Variants in PKP2 observed in about 807,000 individuals in gnomAD.
The protein encoded by PKP2 is plakophilin 2.
A neutral mutation model predicts 83.4 loss-of-function variants in PKP2; 73 were observed. The observed-to-expected ratio is 0.88, with a 90% CI of 0.72 to 1.06. The LOEUF (loss-of-function observed/expected upper bound fraction) is 1.06, where lower values mean the gene tolerates loss of function less well. Ranked by LOEUF, PKP2 falls within the 50% of genes least tolerant of loss-of-function variation. PKP2 has a pLI of 0.00. For synonymous variants in PKP2, 409 were observed against 430.4 expected (o/e 0.95, Z 0.62); for missense variants, 966 against 1,065.4 (o/e 0.91, Z 1.30).
chr12:32,868,464 A>G (rs1381022416), intron 4 of PKP2, among the ~76,000 whole-genome samples: 4 of 151,948 alleles, frequency 2.6e-5, no homozygotes, highest in Non-Finnish European at 5.9e-5. Context: ...TGATCTGCCC[A>G]CCTTGGCCTC....
chr12:32,887,239 G>A (rs184613040), intron 1 of PKP2, among the ~76,000 whole-genome samples: 1 of 152,152 alleles, frequency 6.6e-6, no homozygotes, highest in African/African-American at 2.4e-5. Flanking sequence ...CAGCTCTCCT[G>A]CAAGAGTGGG....
chr12:32,834,704 G>A (rs997436061), intron 6 of PKP2, among the ~76,000 whole-genome samples: 2 of 150,750 alleles, frequency 1.3e-5, no homozygotes, highest in African/African-American at 2.5e-5. Flanking sequence ...AAAGAAGACT[G>A]GGGGGGAGGA....
chr12:32,801,042 C>T (rs1197960948), intron 10 of PKP2, among the ~76,000 whole-genome samples: 1 of 152,142 alleles, frequency 6.6e-6, no homozygotes, highest in Non-Finnish European at 1.5e-5. Flanking sequence ...TAAGAGAAGT[C>T]CTTTTACTTA....
chr12:32,822,778 T>C (rs1956394833), intron 7 of PKP2, 147 bp from the exon 8 acceptor site: 1 of 778,808 alleles, frequency 1.3e-6, no homozygotes, highest in Non-Finnish European at 2.2e-6. Context: ...GGAAATGCAA[T>C]GAGTATGGCT....
chr12:32,830,867 C>T (rs975507520), intron 6 of PKP2, among the ~76,000 whole-genome samples: 6 of 150,740 alleles, frequency 4.0e-5, no homozygotes, highest in African/African-American at 1.5e-4. Flanking sequence ...GATAGTGCCA[C>T]TGCACTCCAG....
chr12:32,813,314 G>C (rs1446267130), intron 9 of PKP2, among the ~76,000 whole-genome samples: 1 of 152,166 alleles, frequency 6.6e-6, no homozygotes, highest in Non-Finnish European at 1.5e-5. Flanking sequence ...GGGAGAAAAT[G>C]TATAAACATT....
At position 32,792,662 on chromosome 12, in the gene PKP2, C is replaced by T. The variant is rs1565571025; in HGVS notation, c.2427G>A (p.Leu809=). ...LLYSLWAHTE[L]HHAYKKAQFK... is the part of the protein sequence containing the mutation. ...TTCTTACCTTCTTGTAGGCATGATG[C>T]AGTTCCGTGTGTGCCCACAGAGAAT... Residue 809 remains leucine (L), a synonymous_variant, in exon 12 of 13, where the codon CTG becomes CTA. Coordinates refer to ENST00000340811, the MANE Select transcript of PKP2 (RefSeq NM_001005242.3). 1.9e-6 allele frequency: 3 copies of T among 1,613,788 alleles called. No individual in the cohort carries two copies. Among genetic ancestry groups the T allele is most frequent in the Admixed American group, 1.7e-5 (1 of 60,026 alleles).
At chr12:32,807,253 G>A (rs1956234081) in intron 9 of PKP2, among the ~76,000 whole-genome samples, 2 of 152,078 alleles carry the variant, frequency 1.3e-5, no homozygotes, top group Non-Finnish European at 2.9e-5. Context: ...AACTCTTCTT[G>A]TTGAATTGAA....
chr12:32,829,140 C>T (rs935165703), intron 6 of PKP2, among the ~76,000 whole-genome samples: 7 of 152,300 alleles, frequency 4.6e-5, no homozygotes, highest in African/African-American at 1.7e-4. Flanking sequence ...GTTGCCCAGG[C>T]TGGTCTTGAA....
At chr12:32,888,105 C>T (rs1052290930) in intron 1 of PKP2, among the ~76,000 whole-genome samples, 1 of 152,062 alleles carries the variant, frequency 6.6e-6, no homozygotes, top group Non-Finnish European at 1.5e-5. Context: ...TGGCTTGAGC[C>T]CGGGGGGCAG....
At chr12:32,808,682 C>T (rs966462795) in intron 9 of PKP2, among the ~76,000 whole-genome samples, 1 of 152,166 alleles carries the variant, frequency 6.6e-6, no homozygotes, top group Non-Finnish European at 1.5e-5. Flanking sequence ...ACCTTTGAGG[C>T]TGCTGACTTC....
intron 1 of PKP2, among the ~76,000 whole-genome samples, chr12:32,890,616 T>C (rs1237077186): frequency 1.3e-5 from 2 of 152,182 alleles, no homozygotes; most frequent in African/African-American, 2.4e-5. Context: ...TTAAGAACAT[T>C]ACAACTGTTT....
chr12:32,859,719 G>T (rs1956782667), intron 4 of PKP2, among the ~76,000 whole-genome samples: 1 of 152,164 alleles, frequency 6.6e-6, no homozygotes, highest in African/African-American at 2.4e-5. Context: ...GCCTCCCAAA[G>T]TTCTGGGATT....
At chr12:32,867,306 C>A (rs371748064) in intron 4 of PKP2, among the ~76,000 whole-genome samples, 1 of 152,156 alleles carries the variant, frequency 6.6e-6, no homozygotes, top group Non-Finnish European at 1.5e-5. Context: ...CCAGCCTAAG[C>A]GACACAGTGA....
intron 10 of PKP2, among the ~76,000 whole-genome samples, chr12:32,797,812 T>C (rs1956142585): frequency 6.6e-6 from 1 of 151,756 alleles, no homozygotes. Context: ...CGCCTGGGCC[T>C]CCCAAAGTGC....
intron 1 of PKP2, among the ~76,000 whole-genome samples, chr12:32,888,231 C>A (rs1199762240): frequency 6.6e-6 from 1 of 152,152 alleles, no homozygotes; most frequent in Non-Finnish European, 1.5e-5. Context: ...CTTTGGCATT[C>A]CTGCCAATTA....
At chr12:32,811,339 G>GAGGCAATGATGCCA (rs1317026821) in intron 9 of PKP2, among the ~76,000 whole-genome samples, 9 of 152,206 alleles carry the variant, frequency 5.9e-5, no homozygotes, top group African/African-American at 2.2e-4. Flanking sequence ...GTGTCTTTCT[G>GAGGCAATGATGCCA]AGGCAATGAT....
At chr12:32,868,670 C>T (rs531043938) in intron 4 of PKP2, among the ~76,000 whole-genome samples, 2 of 152,166 alleles carry the variant, frequency 1.3e-5, no homozygotes, top group African/African-American at 4.8e-5. Flanking sequence ...TTACAGGTAC[C>T]TGCCACTGCA....
At chr12:32,866,348 T>A (rs1415382508) in intron 4 of PKP2, among the ~76,000 whole-genome samples, 3 of 151,094 alleles carry the variant, frequency 2.0e-5, no homozygotes, top group Admixed American at 2.0e-4. Context: ...AACTTGGGAG[T>A]TGGAGACCAG....
Sources: gnomAD v4.1 joint callset for allele counts (sites outside exome capture counted in the v4.1 genomes callset) on GRCh38, gnomAD v4.1.1 for gene constraint, MANE v1.5 for transcripts, NCBI Gene and HGNC (gene_info 2026-07-23, HGNC 2026-07-21) for gene names.